Variants in ACACB observed in about 807,000 individuals in gnomAD.
The protein encoded by ACACB is acetyl-CoA carboxylase beta, also known as acetyl-CoA carboxylase 2.
In ACACB, 209 loss-of-function variants were observed where a neutral mutation model predicts 278.8. That is an observed-to-expected ratio of 0.75 (90% confidence interval 0.67 to 0.84). ACACB has a LOEUF of 0.84. ACACB is among the 40% of genes least tolerant of loss of function. The pLI is 0.00. For synonymous variants in ACACB, 1,174 were observed against 1,285.6 expected (o/e 0.91, Z 1.86); for missense variants, 2,850 against 3,269.0 (o/e 0.87, Z 3.13).
In ACACB at chr12:109,182,121, G is replaced by A. The variant is rs1393749321; in HGVS notation, c.1818+2034G>A. Among the ~76,000 whole-genome samples, 5 of 152,112 alleles carry A rather than the reference G, an allele frequency of 3.3e-5. No individual in the cohort carries two copies. In the East Asian group the frequency reaches 9.6e-4, roughly 29 times the overall value. ...GCCTCCCAAAGTGCTGGGATTACAA[G>A]CTTGAGCCACCGCGCCCAGCTGCTA... On this transcript the variant is annotated intron_variant, in intron 11 of 52. Transcript: ENST00000338432.
Position 109,176,231 on chromosome 12 carries a change from A to T in ACACB, c.1405A>T (p.Ser469Cys), listed in dbSNP as rs751259499. The T allele has an allele frequency of 3.7e-6, 6 of 1,614,200 alleles. No homozygotes were observed. In the South Asian group the frequency reaches 5.5e-5, roughly 15 times the overall value. Residue 469 changes from serine (S) to cysteine (C), a missense_variant, in exon 9 of 53, where the codon AGT (serine) becomes TGT (cysteine). Physicochemically the swap from Ser to Cys is moderately radical, Grantham distance 112. Transcript: ENST00000338432. ...AGGGAAGGGAATCCGGAAGGCTGAG[A>T]GTGCGGAGGACTTCCCGATCCTTTT... The part of the protein sequence containing the change: ...GGGKGIRKAE[S>C]AEDFPILFRQ...
At chr12:109,170,627 G>A (rs558346081) in intron 4 of ACACB, among the ~76,000 whole-genome samples, 7 of 152,074 alleles carry the variant, frequency 4.6e-5, no homozygotes, top group African/African-American at 9.7e-5. Flanking sequence ...AGAGAAGATC[G>A]TTGGTTGCCA....
intron 32 of ACACB, 40 bp from the exon 33 acceptor site, chr12:109,235,562 TCTTG>T (rs747161626): frequency 2.4e-5 from 38 of 1,573,042 alleles, no homozygotes; most frequent in Admixed American, 1.7e-4. Flanking sequence ...TTTCAGTGCG[TCTTG>T]CTTGATTTAA....
chr12:109,264,440 A>G (rs1272847351), intron 50 of ACACB, 54 bp downstream of exon 50: 5 of 1,598,046 alleles, frequency 3.1e-6, no homozygotes, highest in Non-Finnish European at 4.3e-6. Context: ...GTTTTCCAAA[A>G]CATGGAGGAC....
chr12:109,152,640 C>CTTTTTTTTTTTTTTTTTTT (rs34863094), intron 2 of ACACB, among the ~76,000 whole-genome samples: 1 of 74,868 alleles, frequency 1.3e-5, no homozygotes. Flanking sequence ...TTCTTTCTTT[C>CTTTTTTTTTTTTTTTTTTT]TTTTTTTTTT....
At chr12:109,197,473 G>A (rs1049754088) in intron 17 of ACACB, among the ~76,000 whole-genome samples, 10 of 152,064 alleles carry the variant, frequency 6.6e-5, no homozygotes, top group South Asian at 2.1e-4. Context: ...TCTGGGCTCT[G>A]GCATCCACCC....
Position 109,176,196 on chromosome 12 carries a change from A to T in ACACB, c.1370A>T (p.Glu457Val). The T allele has an allele frequency of 1.2e-6, 2 of 1,614,180 alleles. No homozygotes were observed. The highest frequency in any genetic ancestry group is 1.7e-6 in the Non-Finnish European group (2 of 1,180,024). The change falls in exon 9 of 53, where the codon GAA becomes GTA. Residue 457 changes from glutamate to valine, a missense_variant. Physicochemically the swap from Glu to Val is moderately radical, Grantham distance 121 (BLOSUM62 -2). This residue lies in a region of ACACB where 2,265 missense variants were observed against 2,561.3 expected (regional missense o/e 0.88). Transcript: ENST00000338432. ...IGFPLMIKAS[E>V]GGGGKGIRKA... ...TTTCCATTGATGATCAAAGCTTCTG[A>T]AGGTGGCGGAGGGAAGGGAATCCGG...
intron 11 of ACACB, among the ~76,000 whole-genome samples, chr12:109,181,016 C>G (rs1232230889): frequency 6.6e-6 from 1 of 152,056 alleles, no homozygotes; most frequent in Non-Finnish European, 1.5e-5. Context: ...TCATTCTACT[C>G]TCTGTGTCTG....
rs746804926 is a variant in ACACB, at chr12:109,242,423, C to T, written c.5023-14C>T. The T allele has an allele frequency of 1.2e-6, 2 of 1,611,084 alleles. No individual in the cohort carries two copies. Among genetic ancestry groups the T allele is most frequent in the South Asian group, 1.1e-5 (1 of 90,910 alleles). On this transcript the variant is annotated splice_polypyrimidine_tract_variant and intron_variant, in intron 36 of 52. Coordinates refer to ENST00000338432, the MANE Select transcript of ACACB (RefSeq NM_001093.4). ...TTCTCTCTCACTCTCTGTTTTCCCTCCTTTCTGGTCCAGATCATGTTTCAC... is the reference window on the plus strand; with the variant it reads ...TTCTCTCTCACTCTCTGTTTTCCCTTCTTTCTGGTCCAGATCATGTTTCAC...
intron 20 of ACACB, among the ~76,000 whole-genome samples, chr12:109,207,869 G>A (rs991455841): frequency 1.8e-4 from 28 of 152,086 alleles, no homozygotes; most frequent in African/African-American, 5.5e-4. Flanking sequence ...TAGTAGAGAC[G>A]GGGTTCTACC....
chr12:109,262,282 T>C (rs1593738186), intron 48 of ACACB, 75 bp from the exon 49 acceptor site: 1 of 1,176,744 alleles, frequency 8.5e-7, no homozygotes, highest in Non-Finnish European at 1.2e-6. Context: ...TCCCTCCAGC[T>C]CCCCCCACAT....
rs796259248 is a variant in ACACB at position 109,210,014 on chromosome 12, T to C, written c.3249+661T>C. On this transcript the variant is annotated intron_variant, in intron 21 of 52. Coordinates refer to ENST00000338432, the MANE Select transcript of ACACB (RefSeq NM_001093.4). ...GTATATATGTGTATATGTGTATATATACACACGTGTGTATATATGTGTATA... is the reference window on the plus strand; with the variant it reads ...GTATATATGTGTATATGTGTATATACACACACGTGTGTATATATGTGTATA... Among the ~76,000 whole-genome samples, 30 of 94,798 alleles carry C rather than the reference T, an allele frequency of 3.2e-4. 3 individuals are homozygous for C. The highest frequency in any genetic ancestry group is 5.7e-4 in the Admixed American group (6 of 10,602). 62.2% of individuals were successfully genotyped at this position (94,798 alleles called of 152,430 possible).
chr12:109,160,972 A>G (rs1433394035), intron 2 of ACACB, among the ~76,000 whole-genome samples: 1 of 152,210 alleles, frequency 6.6e-6, no homozygotes, highest in Non-Finnish European at 1.5e-5. Context: ...TTGTGTGTGT[A>G]GAAATGGGAT....
At chr12:109,235,730 G>T in intron 33 of ACACB, 83 bp downstream of exon 33, 2 of 1,287,064 alleles carry the variant, frequency 1.6e-6, no homozygotes, top group Non-Finnish European at 2.2e-6. Flanking sequence ...GGGTGTGGTG[G>T]CTCAAGCCCG....
intron 2 of ACACB, among the ~76,000 whole-genome samples, chr12:109,156,933 C>T (rs961870690): frequency 6.6e-6 from 1 of 152,070 alleles, no homozygotes. Flanking sequence ...GGTGTGGTCT[C>T]ATGCCATCTT....
intron 9 of ACACB, among the ~76,000 whole-genome samples, chr12:109,176,777 C>G (rs1029664876): frequency 3.9e-5 from 6 of 152,152 alleles, no homozygotes; most frequent in Non-Finnish European, 8.8e-5. Flanking sequence ...CCACCACACG[C>G]AGCTCATTTT....
intron 16 of ACACB, among the ~76,000 whole-genome samples, chr12:109,194,836 C>A (rs1028934447): frequency 3.9e-5 from 6 of 152,152 alleles, no homozygotes; most frequent in African/African-American, 1.2e-4. Flanking sequence ...TATTATTCAA[C>A]CCCTATAGAA....
At chr12:109,256,570 G>A (rs2047229969) in intron 45 of ACACB, among the ~76,000 whole-genome samples, 1 of 152,196 alleles carries the variant, frequency 6.6e-6, no homozygotes, top group African/African-American at 2.4e-5. Context: ...GAGAGCCATG[G>A]ACAGGAGCCC....
rs2043309730 is a variant in ACACB, at chr12:109,149,119, AT to A, written c.653+9062del. The stretch of plus-strand genomic sequence containing the variant: ...CCATTTGAACCCAGACCCTCGTTAG[AT>A]GTGGATGTGAAATCAGTCAACGAAC... On this transcript the variant is annotated intron_variant, in intron 2 of 52. Coordinates refer to ENST00000338432, the MANE Select transcript of ACACB (RefSeq NM_001093.4). Among the ~76,000 whole-genome samples, 3 of 152,122 alleles carry A rather than the reference AT, an allele frequency of 2.0e-5. No individual in the cohort carries two copies. The South Asian group carries it at 6.2e-4, about 32-fold the overall frequency.
Sources: gnomAD v4.1 joint callset for allele counts (sites outside exome capture counted in the v4.1 genomes callset) on GRCh38, gnomAD v4.1.1 for gene constraint, gnomAD v4.1.1 regional missense constraint, MANE v1.5 for transcripts, NCBI Gene and HGNC (gene_info 2026-07-23, HGNC 2026-07-21) for gene names.